The following CACNA1C variants were observed in gnomAD, a reference collection of about 807,000 sequenced individuals.
CACNA1C encodes the protein voltage-dependent L-type calcium channel subunit alpha-1C.
CACNA1C carries 30 observed loss-of-function variants against 229.0 expected under a neutral mutation model. The observed-to-expected ratio is 0.13, with a 90% CI of 0.10 to 0.18. CACNA1C has a LOEUF of 0.18. Among genes scored for constraint, CACNA1C ranks in the 10% least tolerant of loss-of-function variants. The pLI, the probability that CACNA1C is intolerant of heterozygous loss-of-function variation, is 1.00. For missense variants in CACNA1C, 1,658 were observed against 2,845.0 expected (o/e 0.58, Z 9.49); for synonymous variants, 1,114 against 1,132.5 (o/e 0.98, Z 0.33).
chr12:2,572,415 G>C (rs769736920), intron 13 of CACNA1C, among the ~76,000 whole-genome samples: 13 of 2,210 alleles, frequency 5.9e-3, no homozygotes, highest in African/African-American at 0.01. Context: ...TCCTCCTCCT[G>C]TTCCTCCTCC....
chr12:2,308,676 T>G (rs2095243189), intron 3 of CACNA1C, among the ~76,000 whole-genome samples: 1 of 152,136 alleles, frequency 6.6e-6, no homozygotes, highest in Non-Finnish European at 1.5e-5. Flanking sequence ...GCAAATAACC[T>G]GATGGAAAAA....
At chr12:2,196,925 G>A (rs372278755) in intron 3 of CACNA1C, among the ~76,000 whole-genome samples, 2 of 152,320 alleles carry the variant, frequency 1.3e-5, no homozygotes, top group African/African-American at 4.8e-5. Flanking sequence ...TAGGAGCCAG[G>A]GGGGCTGGGG....
intron 3 of CACNA1C, among the ~76,000 whole-genome samples, chr12:2,272,690 T>G (rs1449168511): frequency 1.3e-5 from 2 of 152,190 alleles, no homozygotes; most frequent in African/African-American, 4.8e-5. Flanking sequence ...CCCATCAGTA[T>G]TATAATGTGG....
chr12:2,373,586 G>C (rs749242730), intron 3 of CACNA1C, among the ~76,000 whole-genome samples: 3 of 152,166 alleles, frequency 2.0e-5, no homozygotes, highest in African/African-American at 7.2e-5. Context: ...GGAGTTTGGC[G>C]TGGATTCAGG....
intron 3 of CACNA1C, among the ~76,000 whole-genome samples, chr12:2,183,433 A>G (rs2096901131): frequency 6.6e-6 from 1 of 152,208 alleles, no homozygotes; most frequent in Non-Finnish European, 1.5e-5. Context: ...TGCCTTCTCT[A>G]GAGATTCTAT....
At chr12:2,474,963 C>T (rs1409275902) in intron 5 of CACNA1C, among the ~76,000 whole-genome samples, 4 of 152,100 alleles carry the variant, frequency 2.6e-5, no homozygotes, top group African/African-American at 9.7e-5. Flanking sequence ...AGAAAGATAA[C>T]ATCATCAACA....
intron 4 of CACNA1C, among the ~76,000 whole-genome samples, chr12:2,450,427 G>A (rs544434811): frequency 3.0e-4 from 45 of 151,624 alleles, no homozygotes; most frequent in East Asian, 1.8e-3. Context: ...GGTGGCGGGC[G>A]CCTGTAGTCC....
chr12:2,357,807 C>T (rs2097422969), intron 3 of CACNA1C, among the ~76,000 whole-genome samples: 1 of 151,748 alleles, frequency 6.6e-6, no homozygotes, highest in African/African-American at 2.4e-5. Context: ...CCCGTCTCTA[C>T]TAAAAATACA....
At chr12:2,325,376 G>A (rs533461429) in intron 3 of CACNA1C, among the ~76,000 whole-genome samples, 1 of 152,258 alleles carries the variant, frequency 6.6e-6, no homozygotes, top group Non-Finnish European at 1.5e-5. Flanking sequence ...TGTTTTCACA[G>A]AGGCAACGTG....
chr12:2,299,499 A>G (rs1038885539), intron 3 of CACNA1C, among the ~76,000 whole-genome samples: 3 of 152,098 alleles, frequency 2.0e-5, no homozygotes, highest in African/African-American at 7.2e-5. Flanking sequence ...TTCAGATGCT[A>G]TGGACAGAGG....
At chr12:2,511,414 G>T (rs996999274) in intron 8 of CACNA1C, among the ~76,000 whole-genome samples, 10 of 152,194 alleles carry the variant, frequency 6.6e-5, no homozygotes, top group Admixed American at 5.9e-4. Flanking sequence ...ATGGTTTGTG[G>T]TGCTGTCCCT....
Position 2,691,517 on chromosome 12 carries a change from C to T in CACNA1C, c.*318C>T. ...AGCACCCCGGCTTCCCGCGCGCCCT[C>T]ACCAAAAGGACCCTACAGCAAACGG... On this transcript the variant is annotated 3_prime_UTR_variant, in exon 47 of 47. Transcript: ENST00000399655. 3.3e-6 allele frequency: 1 copy of T among 307,010 alleles called. No homozygotes were observed. The highest frequency in any genetic ancestry group is 5.9e-6 in the Non-Finnish European group (1 of 168,718). The allele number at this position is 307,010 out of a possible 1,614,324, so 19.0% of individuals were successfully genotyped here.
At chr12:2,291,166 G>A (rs2093460230) in intron 3 of CACNA1C, among the ~76,000 whole-genome samples, 1 of 152,212 alleles carries the variant, frequency 6.6e-6, no homozygotes, top group Non-Finnish European at 1.5e-5. Flanking sequence ...TGGCACCTGG[G>A]AGGTACTTAA....
At chr12:2,027,662 T>G (rs1291343011) in intron 1 of CACNA1C, among the ~76,000 whole-genome samples, 2 of 152,190 alleles carry the variant, frequency 1.3e-5, no homozygotes, top group Non-Finnish European at 2.9e-5. Context: ...GGAAAGTCCC[T>G]TCCCTGGAGG....
intron 1 of CACNA1C, among the ~76,000 whole-genome samples, chr12:2,026,335 G>A (rs776358014): frequency 5.9e-5 from 9 of 152,134 alleles, no homozygotes; most frequent in Admixed American, 5.2e-4. Flanking sequence ...AAAATTCTTC[G>A]GGAGGGAAGG....
At chr12:2,283,799 A>G (rs2092062055) in intron 3 of CACNA1C, among the ~76,000 whole-genome samples, 1 of 152,366 alleles carries the variant, frequency 6.6e-6, no homozygotes, top group Middle Eastern at 3.4e-3. Context: ...GAAAGGGCCT[A>G]GGACATGCAG....
chr12:2,352,299 T>C (rs1276786477), intron 3 of CACNA1C, among the ~76,000 whole-genome samples: 1 of 152,196 alleles, frequency 6.6e-6, no homozygotes, highest in African/African-American at 2.4e-5. Flanking sequence ...AGAAGGTCTG[T>C]ATGGTGAGAC....
intron 4 of CACNA1C, among the ~76,000 whole-genome samples, chr12:2,451,026 T>C (rs1274873181): frequency 6.6e-6 from 1 of 152,198 alleles, no homozygotes; most frequent in East Asian, 1.9e-4. Context: ...GTTGTTGTTG[T>C]TGCCTTATTT....
At chr12:2,104,054 A>G (rs1165314577) in intron 1 of CACNA1C, among the ~76,000 whole-genome samples, 1 of 152,218 alleles carries the variant, frequency 6.6e-6, no homozygotes, top group Non-Finnish European at 1.5e-5. Context: ...TGTCTTGGCT[A>G]TGCGGGCTCT....
Sources: allele counts gnomAD v4.1 joint callset (sites outside exome capture counted in the v4.1 genomes callset), GRCh38; gene constraint gnomAD v4.1.1; transcripts MANE v1.5; gene names NCBI Gene and HGNC (gene_info 2026-07-23, HGNC 2026-07-21).